ESRRB: variants seen among roughly 807,000 people sequenced by gnomAD.
The protein encoded by ESRRB is estrogen related receptor beta.
In ESRRB, 16 loss-of-function variants were observed where a neutral mutation model predicts 46.0. The ratio of observed to expected loss-of-function variants is 0.35; its 90% CI spans 0.24 to 0.53. The LOEUF is 0.53. Ranked by LOEUF, ESRRB falls within the 20% of genes least tolerant of loss-of-function variation. The pLI is 0.93. For synonymous variants in ESRRB, 246 were observed against 259.6 expected, an observed-to-expected ratio of 0.95 and a Z score of 0.50; for missense variants, 488 against 607.4, an observed-to-expected ratio of 0.80 and a Z score of 2.07.
chr14:76,478,224 G>T (rs903651201), intron 3 of ESRRB, among the ~76,000 whole-genome samples: 1 of 152,174 alleles, frequency 6.6e-6, no homozygotes, highest in Admixed American at 6.5e-5. Context: ...AGTCAGTAGG[G>T]GAAGCCCAGT....
chr14:76,428,413 A>G (rs1161909457), intron 1 of ESRRB, among the ~76,000 whole-genome samples: 1 of 152,108 alleles, frequency 6.6e-6, no homozygotes, highest in Non-Finnish European at 1.5e-5. Context: ...TACTGAAAAG[A>G]AGGATACTAG....
chr14:76,351,656 C>A (rs554488963), intron 1 of ESRRB, among the ~76,000 whole-genome samples: 68 of 152,318 alleles, frequency 4.5e-4, no homozygotes, highest in Non-Finnish European at 7.1e-4. Context: ...CATCAGTATA[C>A]CACCTTCTGG....
chr14:76,440,572 C>CCTTT (rs1887878646), intron 2 of ESRRB, among the ~76,000 whole-genome samples: 1 of 151,722 alleles, frequency 6.6e-6, no homozygotes, highest in African/African-American at 2.4e-5. Flanking sequence ...TTCCTTCCTT[C>CCTTT]CTTTCTTCCT....
chr14:76,463,895 G>A (rs74814050), intron 3 of ESRRB, among the ~76,000 whole-genome samples: 3,018 of 152,040 alleles, frequency 0.02, 101 homozygotes, highest in African/African-American at 0.069. Context: ...TAGAGGCAAG[G>A]TCTTGCCATG....
At chr14:76,345,096 A>G (rs1884234273) in intron 1 of ESRRB, among the ~76,000 whole-genome samples, 1 of 152,218 alleles carries the variant, frequency 6.6e-6, no homozygotes, top group African/African-American at 2.4e-5. Flanking sequence ...ATTCTAGCGG[A>G]TACTTTGGAA....
chr14:76,496,779 C>T (rs779315245), intron 6 of ESRRB, among the ~76,000 whole-genome samples: 25 of 152,232 alleles, frequency 1.6e-4, no homozygotes, highest in Admixed American at 9.8e-4. Flanking sequence ...AGGGGGCTGA[C>T]GCTGGGCAGA....
chr14:76,418,905 C>A (rs147468950), intron 1 of ESRRB, among the ~76,000 whole-genome samples: 2,639 of 152,246 alleles, frequency 0.017, 26 homozygotes, highest in Admixed American at 0.028. Context: ...AGGTGTGAGC[C>A]ACCGCATCCA....
At chr14:76,428,808 AC>A (rs1238463963) in intron 1 of ESRRB, among the ~76,000 whole-genome samples, 1 of 152,034 alleles carries the variant, frequency 6.6e-6, no homozygotes, top group African/African-American at 2.4e-5. Flanking sequence ...GGCACTAATT[AC>A]CCATTATTAT....
chr14:76,323,894 G>A (rs1020135108), intron 1 of ESRRB, among the ~76,000 whole-genome samples: 3 of 152,228 alleles, frequency 2.0e-5, no homozygotes, highest in African/African-American at 7.2e-5. Flanking sequence ...GAGTGGGCGA[G>A]TCTGCTGCAT....
intron 6 of ESRRB, among the ~76,000 whole-genome samples, chr14:76,492,189 G>A (rs1890257630): frequency 6.6e-6 from 1 of 152,208 alleles, no homozygotes; most frequent in Admixed American, 6.5e-5. Context: ...TTATAGACGG[G>A]GTCTTGTTCT....
intron 3 of ESRRB, among the ~76,000 whole-genome samples, chr14:76,480,880 C>A (rs1055527678): frequency 1.3e-5 from 2 of 152,236 alleles, no homozygotes; most frequent in African/African-American, 4.8e-5. Flanking sequence ...GCTGAGGTGG[C>A]AACCCAGCTT....
chr14:76,416,061 G>T (rs918307300), intron 1 of ESRRB, among the ~76,000 whole-genome samples: 1 of 150,942 alleles, frequency 6.6e-6, no homozygotes, highest in African/African-American at 2.4e-5. Flanking sequence ...TCACTTCTAT[G>T]TCCATTTTGG....
chr14:76,446,262 C>T (rs1006232395), intron 2 of ESRRB, among the ~76,000 whole-genome samples: 2 of 152,206 alleles, frequency 1.3e-5, no homozygotes, highest in Non-Finnish European at 2.9e-5. Flanking sequence ...CAGATTCAGT[C>T]TCCTGGCTCT....
At chr14:76,452,612 T>G (rs1380490419) in intron 2 of ESRRB, among the ~76,000 whole-genome samples, 8 of 119,692 alleles carry the variant, frequency 6.7e-5, no homozygotes, top group African/African-American at 2.8e-4. Context: ...AGAGTGAGAC[T>G]CTGTCTCCAA....
chr14:76,358,339 GAAA>G (rs1884416208), intron 1 of ESRRB, among the ~76,000 whole-genome samples: 1 of 16,498 alleles, frequency 6.1e-5, no homozygotes, highest in African/African-American at 3.9e-4. Flanking sequence ...AAGAAAGAAA[GAAA>G]GAAAGAAAGA....
chr14:76,487,563 A>G (rs940523954), intron 5 of ESRRB, among the ~76,000 whole-genome samples: 1 of 148,862 alleles, frequency 6.7e-6, no homozygotes, highest in Non-Finnish European at 1.5e-5. Context: ...TTTTACATTT[A>G]TCTCTATGTC....
At chr14:76,451,800 T>A (rs967079420) in intron 2 of ESRRB, among the ~76,000 whole-genome samples, 17 of 150,346 alleles carry the variant, frequency 1.1e-4, no homozygotes, top group African/African-American at 4.1e-4. Flanking sequence ...TTTTTTTTTT[T>A]TTTTTTTTTT....
At chr14:76,484,795 C>T (rs1303786452) in intron 5 of ESRRB, among the ~76,000 whole-genome samples, 1 of 152,244 alleles carries the variant, frequency 6.6e-6, no homozygotes, top group East Asian at 1.9e-4. Context: ...CCTGGGCTTT[C>T]ATCTCAGCTC....
intron 1 of ESRRB, among the ~76,000 whole-genome samples, chr14:76,353,137 C>T (rs71429953): frequency 0.18 from 27,446 of 152,216 alleles, 2,550 homozygotes; most frequent in Middle Eastern, 0.22. Context: ...ACGAGCGTGC[C>T]ATTGTCCCGG....
Sources: allele counts gnomAD v4.1 joint callset (sites outside exome capture counted in the v4.1 genomes callset), GRCh38; gene constraint gnomAD v4.1.1; transcripts MANE v1.5; gene names NCBI Gene and HGNC (gene_info 2026-07-23, HGNC 2026-07-21).